The following SHC3 variants were observed in gnomAD, a reference collection of about 807,000 sequenced individuals.
The protein encoded by SHC3 is SHC adaptor protein 3.
SHC3 carries 15 observed loss-of-function variants against 60.4 expected under a neutral mutation model. The observed-to-expected ratio is 0.25, with a 90% CI of 0.17 to 0.38. The LOEUF (loss-of-function observed/expected upper bound fraction) is 0.38. Among genes scored for constraint, SHC3 ranks in the 10% least tolerant of loss-of-function variants. The probability of loss-of-function intolerance (pLI) is 1.00; values close to 1 mark genes in which losing one functional copy is unlikely to be tolerated. For missense variants in SHC3, 677 were observed against 786.1 expected (o/e 0.86, Z 1.66); for synonymous variants, 294 against 325.9 (o/e 0.90, Z 1.05).
intron 9 of SHC3, among the ~76,000 whole-genome samples, chr9:89,044,445 G>A (rs1824739919): frequency 6.6e-6 from 1 of 152,104 alleles, no homozygotes; most frequent in African/African-American, 2.4e-5. Flanking sequence ...TTTGCTTCCT[G>A]GCATAAATAG....
At chr9:89,080,749 A>ATATG (rs1270727898) in intron 2 of SHC3, among the ~76,000 whole-genome samples, 1 of 148,076 alleles carries the variant, frequency 6.8e-6, no homozygotes, top group Non-Finnish European at 1.5e-5. Context: ...ATATATATAT[A>ATATG]TATATATATG....
chr9:89,115,357 T>C (rs1209593917), intron 1 of SHC3, among the ~76,000 whole-genome samples: 1 of 152,030 alleles, frequency 6.6e-6, no homozygotes, highest in Non-Finnish European at 1.5e-5. Context: ...CCAACAACAA[T>C]GATGCAAAAT....
chr9:89,065,644 C>T, intron 5 of SHC3, 64 bp from the exon 6 acceptor site: 1 of 1,523,132 alleles, frequency 6.6e-7, no homozygotes, highest in South Asian at 1.1e-5. Flanking sequence ...CAGTCAGGGA[C>T]ACAGGGCACA....
rs1327794148 is a variant in SHC3, at chr9:89,007,382, T to C, written c.*6065A>G. The C allele has an allele frequency of 6.6e-6, 1 of 152,274 alleles. No homozygotes were observed. The highest frequency in any genetic ancestry group is 2.4e-5 in the African/African-American group (1 of 41,468). The allele number at this position is 152,274 out of a possible 1,614,324, so 9.4% of individuals were successfully genotyped here. A position where few individuals can be genotyped will look rare whatever the true frequency, so the allele number is the denominator to read the frequency against. Reference sequence around the variant, plus strand: ...TTGGACACACGGGTACCTTAAGGCTTGTCACACTCCAACACCTTTGTGTGT... The same window carrying C: ...TTGGACACACGGGTACCTTAAGGCTCGTCACACTCCAACACCTTTGTGTGT... On this transcript the variant is annotated 3_prime_UTR_variant, in exon 12 of 12. Coordinates refer to ENST00000375835, the MANE Select transcript of SHC3 (RefSeq NM_016848.6).
At chr9:89,035,827 C>CT (rs1824562973) in intron 11 of SHC3, among the ~76,000 whole-genome samples, 1 of 49,588 alleles carries the variant, frequency 2.0e-5, no homozygotes, top group African/African-American at 8.1e-5. Context: ...AACAAACAAA[C>CT]AAAATATATA....
intron 1 of SHC3, among the ~76,000 whole-genome samples, chr9:89,125,109 G>A (rs1401554584): frequency 6.6e-6 from 1 of 152,084 alleles, no homozygotes; most frequent in African/African-American, 2.4e-5. Flanking sequence ...AACTTACATG[G>A]GAGCTGTGGG....
intron 2 of SHC3, among the ~76,000 whole-genome samples, chr9:89,078,492 T>C (rs561429213): frequency 2.6e-5 from 4 of 152,028 alleles, no homozygotes; most frequent in Non-Finnish European, 5.9e-5. Flanking sequence ...GCAGGGCAGT[T>C]CCATGGAACC....
chr9:89,130,296 A>T (rs1289236567), intron 1 of SHC3, among the ~76,000 whole-genome samples: 2 of 152,146 alleles, frequency 1.3e-5, no homozygotes, highest in African/African-American at 2.4e-5. Context: ...AAGAGACTAG[A>T]CTCCCACACA....
At chr9:89,054,172 G>C (rs372861695) in intron 6 of SHC3, among the ~76,000 whole-genome samples, 124 of 152,270 alleles carry the variant, frequency 8.1e-4, no homozygotes, top group Non-Finnish European at 1.5e-3. Flanking sequence ...GCCTGGGAAG[G>C]GGCCTCTGTG....
At chr9:89,160,789 C>T (rs1236842451) in intron 1 of SHC3, among the ~76,000 whole-genome samples, 1 of 152,122 alleles carries the variant, frequency 6.6e-6, no homozygotes, top group Non-Finnish European at 1.5e-5. Context: ...AATTCAAGGG[C>T]CTGCTAATAA....
intron 1 of SHC3, among the ~76,000 whole-genome samples, chr9:89,173,437 G>T (rs1358478033): frequency 6.6e-6 from 1 of 152,250 alleles, no homozygotes; most frequent in Non-Finnish European, 1.5e-5. Flanking sequence ...TCAAAGGTAA[G>T]ACACCGTGCG....
chr9:89,059,959 G>C (rs1798711995), intron 6 of SHC3, among the ~76,000 whole-genome samples: 2 of 150,448 alleles, frequency 1.3e-5, no homozygotes, highest in South Asian at 4.2e-4. Context: ...GAAGGACGCA[G>C]TGGAGGACGA....
chr9:89,051,219 G>C (rs1433664578), intron 7 of SHC3, among the ~76,000 whole-genome samples: 1 of 152,196 alleles, frequency 6.6e-6, no homozygotes, highest in East Asian at 1.9e-4. Flanking sequence ...TTTAGGAACA[G>C]TAAAGTTTTG....
chr9:89,047,675 T>C (rs1327127087), intron 7 of SHC3, among the ~76,000 whole-genome samples: 3 of 152,006 alleles, frequency 2.0e-5, no homozygotes, highest in Non-Finnish European at 4.4e-5. Context: ...AAAATGCATA[T>C]CAAAACCACA....
intron 6 of SHC3, among the ~76,000 whole-genome samples, chr9:89,063,569 T>G (rs890188027): frequency 6.6e-6 from 1 of 152,176 alleles, no homozygotes; most frequent in African/African-American, 2.4e-5. Flanking sequence ...AAGGGGCCAC[T>G]TGGAGAGTCT....
At chr9:89,019,551 A>G (rs1419538201) in intron 11 of SHC3, among the ~76,000 whole-genome samples, 1 of 152,274 alleles carries the variant, frequency 6.6e-6, no homozygotes, top group African/African-American at 2.4e-5. Flanking sequence ...TTGTGATTAT[A>G]GTAAGGTTGC....
At chr9:89,035,574 C>G (rs1002572343) in intron 11 of SHC3, among the ~76,000 whole-genome samples, 1 of 151,992 alleles carries the variant, frequency 6.6e-6, no homozygotes, top group African/African-American at 2.4e-5. Context: ...TAGTATGTTT[C>G]AGAAGGAACA....
At chr9:89,042,239 A>T in intron 9 of SHC3, 55 bp from the exon 10 acceptor site, 1 of 1,466,050 alleles carries the variant, frequency 6.8e-7, no homozygotes, top group Non-Finnish European at 9.0e-7. Flanking sequence ...TATTCAAGCC[A>T]CCCAGCCTTT....
At chr9:89,145,593 G>A (rs774887807) in intron 1 of SHC3, among the ~76,000 whole-genome samples, 1 of 152,200 alleles carries the variant, frequency 6.6e-6, no homozygotes, top group Non-Finnish European at 1.5e-5. Flanking sequence ...CAAATACAAA[G>A]TACAGAAGTA....
Sources: gnomAD v4.1 joint callset for allele counts (sites outside exome capture counted in the v4.1 genomes callset) on GRCh38, gnomAD v4.1.1 for gene constraint, MANE v1.5 for transcripts, NCBI Gene and HGNC (gene_info 2026-07-23, HGNC 2026-07-21) for gene names.